The following GABRB3 variants were observed in gnomAD, a reference collection of about 807,000 sequenced individuals.
GABRB3 encodes the protein gamma-aminobutyric acid receptor subunit beta-3.
GABRB3 carries 14 observed loss-of-function variants against 52.1 expected under a neutral mutation model. That is an observed-to-expected ratio of 0.27 (90% CI 0.18 to 0.42). The LOEUF is 0.42. Among genes scored for constraint, GABRB3 ranks in the 10% least tolerant of loss-of-function variants. The probability of loss-of-function intolerance (pLI) is 1.00; values close to 1 mark genes in which losing one functional copy is unlikely to be tolerated. For missense variants in GABRB3, 307 were observed against 609.1 expected (o/e 0.50, Z 5.22); for synonymous variants, 260 against 232.3 (o/e 1.12, Z -1.08).
intron 3 of GABRB3, among the ~76,000 whole-genome samples, chr15:26,755,932 A>C (rs1890647357): frequency 2.6e-5 from 4 of 152,218 alleles, no homozygotes; most frequent in African/African-American, 4.8e-5. Context: ...AGTAAAATAC[A>C]TTATTTGGCC....
At chr15:26,747,100 G>A (rs113329727) in intron 3 of GABRB3, among the ~76,000 whole-genome samples, 12 of 152,326 alleles carry the variant, frequency 7.9e-5, no homozygotes, top group South Asian at 2.1e-4. Context: ...TATAGCAAGC[G>A]TAACCATTGT....
intron 4 of GABRB3, chr15:26,616,205 G>T: frequency 1.7e-6 from 1 of 591,824 alleles, no homozygotes; most frequent in Non-Finnish European, 2.7e-6. Flanking sequence ...ATGGAGGGTG[G>T]CTGAGCCATG....
chr15:26,684,451 T>C (rs1313273354), intron 3 of GABRB3, among the ~76,000 whole-genome samples: 5 of 152,180 alleles, frequency 3.3e-5, no homozygotes, highest in Non-Finnish European at 7.4e-5. Context: ...GTGTGTAGCA[T>C]TTGCAATTTC....
chr15:26,660,925 G>T (rs1466888256), intron 3 of GABRB3, among the ~76,000 whole-genome samples: 2 of 152,108 alleles, frequency 1.3e-5, no homozygotes, highest in African/African-American at 4.8e-5. Context: ...ACTGCATCCT[G>T]CATGCACCAC....
Position 26,655,302 on chromosome 15 carries a change from T to A in GABRB3, c.241-33768A>T, listed in dbSNP as rs570169716. The stretch of plus-strand genomic sequence containing the variant: ...TGAAAATCTGTCTGATATATCATAA[T>A]TTATTTAACCCACCTCCCTTTTAAC... On this transcript the variant is annotated intron_variant, in intron 3 of 8. Transcript: ENST00000311550. 2.0e-5 allele frequency among the ~76,000 whole-genome samples: 3 copies of A among 152,336 alleles called. No individual in the cohort carries two copies. In the South Asian group the frequency reaches 6.2e-4, roughly 32 times the overall value.
At chr15:26,555,685 T>C in intron 8 of GABRB3, among the ~76,000 whole-genome samples, 1 of 152,218 alleles carries the variant, frequency 6.6e-6, no homozygotes, top group East Asian at 1.9e-4. Flanking sequence ...CAAGAACCAA[T>C]ACAATTTTAC....
chr15:26,656,238 T>C (rs999688393), intron 3 of GABRB3, among the ~76,000 whole-genome samples: 5 of 152,174 alleles, frequency 3.3e-5, no homozygotes, highest in African/African-American at 4.8e-5. Context: ...AGGGAGCCAG[T>C]TGTCGTCTCT....
intron 4 of GABRB3, among the ~76,000 whole-genome samples, chr15:26,592,671 TG>T (rs1891249707): frequency 6.6e-6 from 1 of 152,306 alleles, no homozygotes; most frequent in South Asian, 2.1e-4. Context: ...AGAATTAACA[TG>T]GCTGAAAATC....
At chr15:26,632,046 G>C (rs1308912531) in intron 3 of GABRB3, among the ~76,000 whole-genome samples, 1 of 152,204 alleles carries the variant, frequency 6.6e-6, no homozygotes, top group Admixed American at 6.5e-5. Context: ...GGAAGCGAAC[G>C]TGCCGAAGTC....
rs1439968277 is a variant in GABRB3 at position 26,543,627 on chromosome 15, TG to T, written c.*4165del. The stretch of plus-strand genomic sequence containing the variant: ...TATTGTATCTATCACTCAATTTTGC[TG>T]TTTTTTCATGTCAAATAATACCAAA... On this transcript the variant is annotated 3_prime_UTR_variant, in exon 9 of 9. Transcript: ENST00000311550. 6.5e-6 allele frequency: 1 copy of T among 152,694 alleles called. No homozygotes were observed. The highest frequency in any genetic ancestry group is 2.4e-5 in the African/African-American group (1 of 41,470). 9.5% of individuals were successfully genotyped at this position (152,694 alleles called of 1,614,324 possible). A position where few individuals can be genotyped will look rare whatever the true frequency, so the allele number is the denominator to read the frequency against.
intron 4 of GABRB3, among the ~76,000 whole-genome samples, chr15:26,619,329 T>G (rs1892384704): frequency 6.6e-6 from 1 of 151,832 alleles, no homozygotes; most frequent in Non-Finnish European, 1.5e-5. Flanking sequence ...CATGGAATAC[T>G]ATGCAGCCAT....
intron 3 of GABRB3, among the ~76,000 whole-genome samples, chr15:26,648,745 G>A (rs374071286): frequency 5.3e-4 from 80 of 152,360 alleles, no homozygotes; most frequent in East Asian, 2.7e-3. Context: ...CCAAGGGTGC[G>A]TCAGCAGGGC....
At position 26,615,217 on chromosome 15, in the gene GABRB3, G is replaced by A. The variant is rs796889001; in HGVS notation, c.461+6097C>T. ...AAAGAAAACAGAAAAGCTGTGACTG[G>A]GACAGGACAAAGGACCATTAGTCTC... is the stretch of plus-strand genomic sequence containing the variant. On this transcript the variant is annotated intron_variant, in intron 4 of 8. Transcript: ENST00000311550. 10 of 896,552 alleles carry A rather than the reference G, an allele frequency of 1.1e-5. No homozygotes were observed. In the African/African-American group the frequency reaches 1.6e-4, roughly 15 times the overall value. 55.5% of individuals were successfully genotyped at this position (896,552 alleles called of 1,614,324 possible). A position where few individuals can be genotyped will look rare whatever the true frequency, so the allele number is the denominator to read the frequency against.
chr15:26,645,079 C>T (rs1394427144), intron 3 of GABRB3, among the ~76,000 whole-genome samples: 1 of 152,122 alleles, frequency 6.6e-6, no homozygotes, highest in Non-Finnish European at 1.5e-5. Flanking sequence ...CCCCTGTCTA[C>T]AAAAATGTGT....
chr15:26,702,249 T>C (rs1888961090), intron 3 of GABRB3, among the ~76,000 whole-genome samples: 2 of 152,218 alleles, frequency 1.3e-5, no homozygotes, highest in South Asian at 4.1e-4. Context: ...AAAACTTTTG[T>C]CTTTTGAAAC....
intron 3 of GABRB3, among the ~76,000 whole-genome samples, chr15:26,733,167 A>T (rs900283425): frequency 2.0e-5 from 3 of 152,218 alleles, no homozygotes; most frequent in African/African-American, 7.2e-5. Flanking sequence ...TAGACAAGAA[A>T]AATAAATAAA....
At chr15:26,680,612 T>C (rs186159694) in intron 3 of GABRB3, among the ~76,000 whole-genome samples, 1 of 152,246 alleles carries the variant, frequency 6.6e-6, no homozygotes, top group African/African-American at 2.4e-5. Context: ...TGTTCTTCTC[T>C]TCATTTACCG....
intron 4 of GABRB3, chr15:26,614,873 C>T (rs1413378347): frequency 6.6e-6 from 1 of 152,098 alleles, no homozygotes; most frequent in Admixed American, 6.5e-5. Context: ...AATGTACTGT[C>T]CAACAGGTTT....
intron 7 of GABRB3, among the ~76,000 whole-genome samples, chr15:26,561,643 C>T (rs1455857417): frequency 6.6e-6 from 1 of 152,204 alleles, no homozygotes; most frequent in Non-Finnish European, 1.5e-5. Flanking sequence ...AGGCTATGAG[C>T]GAGAGCTCAG....
Sources: allele counts gnomAD v4.1 joint callset (sites outside exome capture counted in the v4.1 genomes callset), GRCh38; gene constraint gnomAD v4.1.1; transcripts MANE v1.5; gene names NCBI Gene and HGNC (gene_info 2026-07-23, HGNC 2026-07-21).